ST6GAL2: variants seen among roughly 807,000 people sequenced by gnomAD.
ST6GAL2 encodes the protein beta-galactoside alpha-2,6-sialyltransferase 2.
ST6GAL2 carries 24 observed loss-of-function variants against 37.5 expected under a neutral mutation model. The observed-to-expected ratio is 0.64, with a 90% CI of 0.46 to 0.90. The LOEUF (loss-of-function observed/expected upper bound fraction) is 0.90, where lower values mean the gene tolerates loss of function less well. ST6GAL2 is among the 40% of genes least tolerant of loss of function. The pLI is 0.00. For missense variants in ST6GAL2, 715 were observed against 712.7 expected (o/e 1.00, Z -0.04); for synonymous variants, 306 against 295.1 (o/e 1.04, Z -0.38).
chr2:106,886,868 C>T (rs1034811), upstream of ST6GAL2: 107,992 of 151,758 alleles, frequency 0.71, 38,876 homozygotes, highest in African/African-American at 0.81. Flanking sequence ...CGGAGAGTGA[C>T]TGCAGACTTG....
intron 1 of ST6GAL2, among the ~76,000 whole-genome samples, chr2:106,863,130 C>T (rs985749479): frequency 5.9e-5 from 9 of 152,012 alleles, no homozygotes; most frequent in African/African-American, 1.9e-4. Context: ...ATGAGGAGCC[C>T]GTGGTCTGGA....
chr2:106,803,290 G>A lies in ST6GAL2; in HGVS notation c.*3388C>T, dbSNP rs554987341. ...AGACACATGGGAAGTGCTGTTTCTC[G>A]AAGCTCTGCCTTCAGGCAGACAAGG... On this transcript the variant is annotated 3_prime_UTR_variant, in exon 6 of 6. Coordinates refer to ENST00000409382, the MANE Select transcript of ST6GAL2 (RefSeq NM_001142351.2). 3.9e-5 allele frequency: 6 copies of A among 152,280 alleles called. No homozygotes were observed. Among genetic ancestry groups the A allele is most frequent in the South Asian group, 2.1e-4 (1 of 4,802 alleles). 9.4% of individuals were successfully genotyped at this position (152,280 alleles called of 1,614,324 possible).
At chr2:106,850,339 G>A (rs964974117) in intron 1 of ST6GAL2, among the ~76,000 whole-genome samples, 3 of 152,152 alleles carry the variant, frequency 2.0e-5, no homozygotes, top group Non-Finnish European at 2.9e-5. Context: ...AAAGAGGCAG[G>A]ATTTGTGAGG....
At chr2:106,864,315 G>T (rs1352489790) in intron 1 of ST6GAL2, among the ~76,000 whole-genome samples, 4 of 152,158 alleles carry the variant, frequency 2.6e-5, no homozygotes, top group Non-Finnish European at 5.9e-5. Context: ...ATGGCCCTTG[G>T]TCTTCTCCCC....
rs200274293 is a variant in ST6GAL2 at position 106,821,798 on chromosome 2, T to TA, written c.1318+8267dup. On this transcript the variant is annotated intron_variant, in intron 5 of 5. Coordinates refer to ENST00000409382, the MANE Select transcript of ST6GAL2 (RefSeq NM_001142351.2). ...TAGTAAATTGAATTCAACGACACAT[T>TA]AAAAAACCATTCATCACAACCAAGT... is the stretch of plus-strand genomic sequence containing the variant. Among the ~76,000 whole-genome samples, 1,001 of 152,104 alleles carry TA rather than the reference T, an allele frequency of 6.6e-3. 12 individuals are homozygous for TA. The highest frequency in any genetic ancestry group is 0.022 in the African/African-American group (919 of 41,530).
chr2:106,850,680 T>G (rs1436007244), intron 1 of ST6GAL2, among the ~76,000 whole-genome samples: 1 of 152,154 alleles, frequency 6.6e-6, no homozygotes, highest in Non-Finnish European at 1.5e-5. Flanking sequence ...AAATCCAGGT[T>G]AGAGAGAGGC....
At chr2:106,832,420 CGTG>C in intron 4 of ST6GAL2, 142 bp downstream of exon 4, 1 of 536,808 alleles carries the variant, frequency 1.9e-6, no homozygotes, top group Non-Finnish European at 3.3e-6. Context: ...TGGGTATCAA[CGTG>C]GTGTTCACAA....
chr2:106,818,760 T>C (rs1256141520), intron 5 of ST6GAL2, among the ~76,000 whole-genome samples: 1 of 151,796 alleles, frequency 6.6e-6, no homozygotes, highest in Admixed American at 6.6e-5. Flanking sequence ...CAGTGACCAA[T>C]CCCACAGAGA....
intron 5 of ST6GAL2, chr2:106,813,031 T>G: frequency 8.1e-7 from 1 of 1,228,930 alleles, no homozygotes; most frequent in Non-Finnish European, 1.0e-6. Context: ...TTTTAATGTA[T>G]TTTTTCAAGC....
At position 106,843,322 on chromosome 2, in the gene ST6GAL2, G is replaced by A. The variant is rs1261444571; in HGVS notation, c.656C>T (p.Pro219Leu). 3 of 1,613,832 alleles carry A rather than the reference G, an allele frequency of 1.9e-6. No homozygotes were observed. The highest frequency in any genetic ancestry group is 2.2e-5 in the East Asian group (1 of 44,862). Residue 219 changes from proline to leucine, a missense_variant, in exon 2 of 6, where the codon CCG (proline) becomes CTG (leucine). Physicochemically the swap from Pro to Leu is moderately conservative, Grantham distance 98. Around this residue, in one of 3 missense-constraint regions of ST6GAL2, gnomAD observed 512 missense variants for 488.8 expected, o/e 1.05. Transcript: ENST00000409382. ...ATCCTTCATCGCCTTCTGCAGGCGC[G>A]GGTTCAGCATTTTGGAAGAGACGTT... ...KGNVSSKMLN[P>L]RLQKAMKDYL...
At chr2:106,879,915 A>T (rs1035305639) in intron 1 of ST6GAL2, among the ~76,000 whole-genome samples, 1 of 148,184 alleles carries the variant, frequency 6.7e-6, no homozygotes, top group Admixed American at 6.8e-5. Context: ...ATATACTATT[A>T]TACTTACAGA....
intron 5 of ST6GAL2, among the ~76,000 whole-genome samples, chr2:106,811,082 T>C (rs1038431682): frequency 3.3e-5 from 5 of 152,230 alleles, no homozygotes; most frequent in African/African-American, 1.2e-4. Flanking sequence ...TCAGGCAGCA[T>C]GATCAATTCA....
At chr2:106,862,476 A>G (rs1156780711) in intron 1 of ST6GAL2, among the ~76,000 whole-genome samples, 2 of 152,248 alleles carry the variant, frequency 1.3e-5, no homozygotes, top group Non-Finnish European at 2.9e-5. Context: ...ACAAAAATCT[A>G]TACCTAGAAT....
At chr2:106,837,577 C>T (rs761293960) in intron 2 of ST6GAL2, among the ~76,000 whole-genome samples, 2 of 152,132 alleles carry the variant, frequency 1.3e-5, no homozygotes, top group Non-Finnish European at 2.9e-5. Context: ...GAGACTCCAC[C>T]AGCGAGGTGA....
chr2:106,837,022 A>G (rs1226042749), intron 2 of ST6GAL2, among the ~76,000 whole-genome samples: 1 of 152,006 alleles, frequency 6.6e-6, no homozygotes, highest in Non-Finnish European at 1.5e-5. Flanking sequence ...TAAAGTCTGG[A>G]AAACTTCCAA....
chr2:106,864,375 T>C (rs564728139), intron 1 of ST6GAL2, among the ~76,000 whole-genome samples: 1 of 152,332 alleles, frequency 6.6e-6, no homozygotes, highest in Admixed American at 6.5e-5. Flanking sequence ...GTAGAACCTT[T>C]CCATGACCAG....
chr2:106,842,592 C>T (rs1676935740), intron 2 of ST6GAL2, among the ~76,000 whole-genome samples: 1 of 152,206 alleles, frequency 6.6e-6, no homozygotes, highest in Admixed American at 6.5e-5. Context: ...GCCTCCTCCT[C>T]TTGTTCCCTT....
intron 5 of ST6GAL2, among the ~76,000 whole-genome samples, chr2:106,827,528 A>C (rs542238189): frequency 6.6e-6 from 1 of 152,294 alleles, no homozygotes; most frequent in South Asian, 2.1e-4. Context: ...TGCCTCTTCT[A>C]TCCTCGCCCA....
At chr2:106,817,730 C>T (rs1675855252) in intron 5 of ST6GAL2, among the ~76,000 whole-genome samples, 1 of 152,142 alleles carries the variant, frequency 6.6e-6, no homozygotes, top group Non-Finnish European at 1.5e-5. Context: ...GCAAAGGTAC[C>T]AGCTTGGGCA....
Sources: allele counts gnomAD v4.1 joint callset (sites outside exome capture counted in the v4.1 genomes callset), GRCh38; gene constraint gnomAD v4.1.1; regional missense constraint gnomAD v4.1.1; transcripts MANE v1.5; gene names NCBI Gene and HGNC (gene_info 2026-07-23, HGNC 2026-07-21).